The following FLT1 variants were observed in gnomAD, a reference collection of about 807,000 sequenced individuals.
The protein encoded by FLT1 is vascular endothelial growth factor receptor 1.
FLT1 carries 49 observed loss-of-function variants against 156.3 expected under a neutral mutation model. The observed-to-expected ratio is 0.31, with a 90% CI of 0.25 to 0.40. FLT1 has a LOEUF of 0.40. FLT1 is among the 10% of genes least tolerant of loss of function. FLT1 has a pLI of 1.00. For missense variants in FLT1, 1,322 were observed against 1,637.2 expected (o/e 0.81, Z 3.32); for synonymous variants, 594 against 583.8 (o/e 1.02, Z -0.25).
At chr13:28,313,347 C>G (rs1871081461) in intron 25 of FLT1, among the ~76,000 whole-genome samples, 1 of 152,206 alleles carries the variant, frequency 6.6e-6, no homozygotes, top group South Asian at 2.1e-4. Flanking sequence ...GAATCGAGGT[C>G]TGTACCTACC....
chr13:28,469,895 AG>A (rs1880055623), intron 1 of FLT1, among the ~76,000 whole-genome samples: 1 of 152,056 alleles, frequency 6.6e-6, no homozygotes, highest in Non-Finnish European at 1.5e-5. Context: ...CTGGGACTAC[AG>A]GTGCGCATCA....
intron 3 of FLT1, among the ~76,000 whole-genome samples, chr13:28,445,528 G>T (rs1436215431): frequency 6.6e-6 from 1 of 151,932 alleles, no homozygotes; most frequent in Non-Finnish European, 1.5e-5. Flanking sequence ...CATTATGAAG[G>T]AATATTATAA....
intron 1 of FLT1, among the ~76,000 whole-genome samples, chr13:28,487,150 A>G (rs1458332865): frequency 6.6e-6 from 1 of 152,162 alleles, no homozygotes; most frequent in Non-Finnish European, 1.5e-5. Context: ...GTCCCTCTCA[A>G]GAGCTCATGA....
At chr13:28,327,298 CAG>C (rs1470692909) in intron 20 of FLT1, among the ~76,000 whole-genome samples, 162 bp downstream of exon 20, 2 of 152,094 alleles carry the variant, frequency 1.3e-5, no homozygotes, top group South Asian at 2.1e-4. Context: ...TAGAGTGTAA[CAG>C]ATTATCAGGG....
intron 3 of FLT1, among the ~76,000 whole-genome samples, chr13:28,461,889 C>T (rs677538): frequency 0.14 from 21,346 of 152,062 alleles, 2,636 homozygotes; most frequent in African/African-American, 0.33. Context: ...GGAAAATCAA[C>T]TGCGGAAAAA....
At chr13:28,476,596 A>G (rs1218541447) in intron 1 of FLT1, among the ~76,000 whole-genome samples, 2 of 152,140 alleles carry the variant, frequency 1.3e-5, no homozygotes, top group East Asian at 1.9e-4. Context: ...ATTTTACCAC[A>G]CTGATTTCTT....
chr13:28,365,981 C>A (rs566449471), intron 14 of FLT1, among the ~76,000 whole-genome samples: 3 of 152,182 alleles, frequency 2.0e-5, no homozygotes, highest in Non-Finnish European at 4.4e-5. Flanking sequence ...GGGACTATGT[C>A]TCTGGAGAAT....
intron 15 of FLT1, among the ~76,000 whole-genome samples, chr13:28,352,706 C>G (rs571544202): frequency 6.6e-6 from 1 of 152,350 alleles, no homozygotes; most frequent in South Asian, 2.1e-4. Flanking sequence ...GCACTGCTCT[C>G]TCCTCGGGAA....
chr13:28,303,689 T>C (rs61763569), intron 29 of FLT1, among the ~76,000 whole-genome samples: 1 of 152,208 alleles, frequency 6.6e-6, no homozygotes, highest in African/African-American at 2.4e-5. Flanking sequence ...TATTCTTGGG[T>C]CAAACAGCTT....
intron 17 of FLT1, among the ~76,000 whole-genome samples, chr13:28,336,027 C>T (rs1162686249): frequency 6.6e-6 from 1 of 152,150 alleles, no homozygotes; most frequent in Admixed American, 6.5e-5. Context: ...TGCCTTCCAC[C>T]ATCTAAAAAG....
intron 14 of FLT1, among the ~76,000 whole-genome samples, chr13:28,375,838 C>T (rs1450848837): frequency 1.3e-5 from 2 of 152,230 alleles, no homozygotes; most frequent in Non-Finnish European, 2.9e-5. Flanking sequence ...GTTCACATTT[C>T]TTTTCTGCAA....
At chr13:28,468,115 C>T (rs1879952603) in intron 1 of FLT1, among the ~76,000 whole-genome samples, 1 of 152,150 alleles carries the variant, frequency 6.6e-6, no homozygotes, top group Non-Finnish European at 1.5e-5. Context: ...GAATTTCATG[C>T]AATCATTAGT....
At position 28,311,687 on chromosome 13, in the gene FLT1, T is replaced by G; in HGVS notation, c.3538A>C (p.Ser1180Arg). The G allele has an allele frequency of 6.2e-7, 1 of 1,613,860 alleles. No homozygotes were observed. Among genetic ancestry groups the G allele is most frequent in the Non-Finnish European group, 8.5e-7 (1 of 1,179,784 alleles). The stretch of plus-strand genomic sequence containing the variant: ...GCAGGAGTTGAGTATGTAAACCCAC[T>G]ATTTCCTGTCAGTATGGCATTGATT... Reference protein sequence around the residue: ...IPINAILTGNSGFTYSTPAFS... With the variant: ...IPINAILTGNRGFTYSTPAFS... The change falls in exon 27 of 30, where the codon AGT (serine) becomes CGT (arginine). Residue 1180 changes from serine (S) to arginine (R), a missense_variant. Ser to Arg is a moderately radical substitution (Grantham distance 110). This residue lies in a region of FLT1 where 329 missense variants were observed against 366.2 expected (regional missense o/e 0.90). Transcript: ENST00000282397.
intron 14 of FLT1, among the ~76,000 whole-genome samples, chr13:28,358,202 T>G (rs1485374618): frequency 6.6e-6 from 1 of 152,216 alleles, no homozygotes; most frequent in Non-Finnish European, 1.5e-5. Flanking sequence ...ACCAAGAGCA[T>G]GCAGTTTGAC....
chr13:28,488,133 T>C (rs1160986), intron 1 of FLT1, among the ~76,000 whole-genome samples: 97,931 of 151,574 alleles, frequency 0.65, 31,859 homozygotes, highest in Admixed American at 0.74. Context: ...CGCGGTGGCT[T>C]ACGCCTGTAA....
intron 3 of FLT1, among the ~76,000 whole-genome samples, chr13:28,454,834 T>C (rs1306691169): frequency 2.6e-5 from 4 of 152,170 alleles, no homozygotes; most frequent in African/African-American, 9.6e-5. Flanking sequence ...CAAAAGTCAG[T>C]TGCTTTCCTA....
At chr13:28,469,745 T>C (rs115170388) in intron 1 of FLT1, among the ~76,000 whole-genome samples, 1 of 152,210 alleles carries the variant, frequency 6.6e-6, no homozygotes, top group Non-Finnish European at 1.5e-5. Flanking sequence ...TAATATCTTT[T>C]AAATTTTTAT....
chr13:28,339,978 G>A (rs1162556926), intron 16 of FLT1, among the ~76,000 whole-genome samples: 1 of 152,172 alleles, frequency 6.6e-6, no homozygotes, highest in Non-Finnish European at 1.5e-5. Context: ...ACTTTAAAAG[G>A]CTGAGGTGGG....
In FLT1 at chr13:28,372,570, A is replaced by G. The variant is rs572107159; in HGVS notation, c.2116+12315T>C. 6.1e-3 allele frequency among the ~76,000 whole-genome samples: 86 copies of G among 14,148 alleles called. 1 individual carries two copies. The highest frequency in any genetic ancestry group is 0.019 in the Admixed American group (32 of 1,716). The allele number at this position is 14,148 out of a possible 152,430, so 9.3% of individuals were successfully genotyped here. A position where few individuals can be genotyped will look rare whatever the true frequency, so the allele number is the denominator to read the frequency against. On this transcript the variant is annotated intron_variant, in intron 14 of 29. Coordinates refer to ENST00000282397, the MANE Select transcript of FLT1 (RefSeq NM_002019.4). ...TATTCCTCGTTTAAATAAAATGTATATATATATATATATATATATATATAT... is the reference window on the plus strand; with the variant it reads ...TATTCCTCGTTTAAATAAAATGTATGTATATATATATATATATATATATAT...
Sources: allele counts gnomAD v4.1 joint callset (sites outside exome capture counted in the v4.1 genomes callset), GRCh38; gene constraint gnomAD v4.1.1; regional missense constraint gnomAD v4.1.1; transcripts MANE v1.5; gene names NCBI Gene and HGNC (gene_info 2026-07-23, HGNC 2026-07-21).